The following CAMKK1 variants were observed in gnomAD, a reference collection of about 807,000 sequenced individuals.
CAMKK1 encodes calcium/calmodulin dependent protein kinase kinase 1.
A neutral mutation model predicts 63.5 loss-of-function variants in CAMKK1; 20 were observed. That is an observed-to-expected ratio of 0.32 (90% CI 0.22 to 0.46). The LOEUF (loss-of-function observed/expected upper bound fraction) is 0.46, where lower values mean the gene tolerates loss of function less well. CAMKK1 is among the 20% of genes least tolerant of loss of function. The probability of loss-of-function intolerance (pLI) is 1.00; values close to 1 mark genes in which losing one functional copy is unlikely to be tolerated. For synonymous variants in CAMKK1, 253 were observed against 269.0 expected (o/e 0.94, Z 0.58); for missense variants, 588 against 658.1 (o/e 0.89, Z 1.17).
chr17:3,882,839 G>C lies in CAMKK1; in HGVS notation c.648+203C>G, dbSNP rs1180926505. 6.6e-6 allele frequency among the ~76,000 whole-genome samples: 1 copy of C among 152,148 alleles called. No homozygotes were observed. Among genetic ancestry groups the C allele is most frequent in the African/African-American group, 2.4e-5 (1 of 41,442 alleles). On this transcript the variant is annotated intron_variant, in intron 6 of 15. Transcript: ENST00000348335. The surrounding 1 kb of genome is among the most constrained non-coding windows in gnomAD (Gnocchi z 4.3). ...TGGGGCAGCCCCTCACCCTCCATGG[G>C]AACTTGGGAACATCCCTGACCAGGC... is the stretch of plus-strand genomic sequence containing the variant.
intron 9 of CAMKK1, among the ~76,000 whole-genome samples, chr17:3,876,670 C>T (rs1472083756): frequency 6.6e-6 from 1 of 152,070 alleles, no homozygotes; most frequent in Non-Finnish European, 1.5e-5. Context: ...AGTCCAGCAC[C>T]CTCTCCATGA....
At chr17:3,869,417 C>T in intron 14 of CAMKK1, 70 bp downstream of exon 14, 2 of 1,593,270 alleles carry the variant, frequency 1.3e-6, no homozygotes, top group African/African-American at 1.3e-5. Context: ...CCCAAGGAGC[C>T]AGGCACAGAG....
intron 11 of CAMKK1, among the ~76,000 whole-genome samples, 192 bp from the exon 12 acceptor site, chr17:3,872,819 T>C (rs901708775): frequency 6.6e-6 from 1 of 152,156 alleles, no homozygotes; most frequent in East Asian, 1.9e-4. Flanking sequence ...GAGGGAACAA[T>C]GAGGCTGGGT....
chr17:3,881,738 G>T (rs2055419073), intron 7 of CAMKK1, 90 bp from the exon 8 acceptor site: 2 of 1,225,414 alleles, frequency 1.6e-6, no homozygotes, highest in Non-Finnish European at 2.4e-6. Flanking sequence ...TAGGAGAGGG[G>T]GCAGGCATGC....
intron 15 of CAMKK1, among the ~76,000 whole-genome samples, chr17:3,863,693 T>C (rs1304270551): frequency 6.6e-6 from 1 of 151,546 alleles, no homozygotes; most frequent in Non-Finnish European, 1.5e-5. Flanking sequence ...CTGGGCAACA[T>C]GGCAAGACTC....
At chr17:3,871,821 T>C (rs2054901029) in intron 12 of CAMKK1, among the ~76,000 whole-genome samples, 2 of 151,918 alleles carry the variant, frequency 1.3e-5, no homozygotes, top group South Asian at 2.1e-4. Context: ...AATTTTTGTA[T>C]TTTTAGTAGA....
intron 14 of CAMKK1, 95 bp from the exon 15 acceptor site, chr17:3,866,106 C>A: frequency 6.8e-7 from 1 of 1,461,566 alleles, no homozygotes; most frequent in Non-Finnish European, 9.3e-7. Context: ...CCAAGGGGGC[C>A]GCAGTGCGGG....
In CAMKK1 at chr17:3,860,514, ATCAAAGTGGTCCCCCCAGACCAGATGC is replaced by A. The variant is rs2143761265; in HGVS notation, c.*1670_*1696del. 1 of 152,702 alleles carries A rather than the reference ATCAAAGTGGTCCCCCCAGACCAGATGC, an allele frequency of 6.5e-6. No homozygotes were observed. Among genetic ancestry groups the A allele is most frequent in the Admixed American group, 6.5e-5 (1 of 15,300 alleles). The allele number at this position is 152,702 out of a possible 1,614,324, so 9.5% of individuals were successfully genotyped here. ...CCTGAGCTTTCCAAGGGTGGGTCCG[ATCAAAGTGGTCCCCCCAGACCAGATGC>A]TCAAGAAACACTTGGGGATCAGTGA... On this transcript the variant is annotated 3_prime_UTR_variant, in exon 16 of 16. Transcript: ENST00000348335.
chr17:3,884,345 G>A lies in CAMKK1; in HGVS notation c.408+35C>T, dbSNP rs370765184. On this transcript the variant is annotated intron_variant, in intron 3 of 15. Coordinates refer to ENST00000348335, the MANE Select transcript of CAMKK1 (RefSeq NM_032294.3). This position sits in a 1 kb window ranked among gnomAD's most constrained non-coding sequence, Gnocchi z 4.5. The stretch of plus-strand genomic sequence containing the variant: ...GGAGCAGCGCCAAACAGAGAATCCC[G>A]AAGCCCCCACTGCTCTCGGCCTGCC... 6.2e-6 allele frequency: 10 copies of A among 1,609,322 alleles called. No individual in the cohort carries two copies. Among genetic ancestry groups the A allele is most frequent in the African/African-American group, 1.3e-5 (1 of 74,772 alleles).
In CAMKK1 at chr17:3,872,570, C is replaced by T. The variant is rs371888456; in HGVS notation, c.1108G>A (p.Val370Met). Residue 370 changes from valine (V) to methionine (M), a missense_variant, in exon 12 of 16, where the codon GTG (valine) becomes ATG (methionine). This residue lies in a region of CAMKK1 where 226 missense variants were observed against 229.2 expected (regional missense o/e 0.99). Transcript: ENST00000348335. ...ACAACTCACTCCTCAGGAAACACCA[C>T]GGGCTCATTCTTGATCTTCCTGTGG... is the stretch of plus-strand genomic sequence containing the variant. ...ALHRKIKNEP[V>M]VFPEEPEISE... 25 of 1,613,806 alleles carry T rather than the reference C, an allele frequency of 1.5e-5. No individual in the cohort carries two copies. The Admixed American group carries it at 2.2e-4, about 14-fold the overall frequency.
At chr17:3,867,340 A>T (rs1472253559) in intron 14 of CAMKK1, among the ~76,000 whole-genome samples, 1 of 152,162 alleles carries the variant, frequency 6.6e-6, no homozygotes, top group Admixed American at 6.5e-5. Flanking sequence ...CGAGTGCATG[A>T]TGGCGGGACG....
chr17:3,862,344 A>G lies in CAMKK1; in HGVS notation c.1446-61T>C. The G allele has an allele frequency of 8.1e-7, 1 of 1,233,238 alleles. No homozygotes were observed. Among genetic ancestry groups the G allele is most frequent in the Non-Finnish European group, 1.2e-6 (1 of 858,032 alleles). 76.4% of individuals were successfully genotyped at this position (1,233,238 alleles called of 1,614,324 possible). On this transcript the variant is annotated intron_variant, in intron 15 of 15. Coordinates refer to ENST00000348335, the MANE Select transcript of CAMKK1 (RefSeq NM_032294.3). The surrounding 1 kb of genome is among the most constrained non-coding windows in gnomAD (Gnocchi z 4.1). Reference sequence around the variant, plus strand: ...GGTCAGAATATGCACTCAGGGAGACACTCTCCCTCACACACACAGGAATCT... The same window carrying G: ...GGTCAGAATATGCACTCAGGGAGACGCTCTCCCTCACACACACAGGAATCT...
At chr17:3,868,665 T>C (rs2054683682) in intron 14 of CAMKK1, among the ~76,000 whole-genome samples, 1 of 152,106 alleles carries the variant, frequency 6.6e-6, no homozygotes. Flanking sequence ...CTTTCTTTTT[T>C]TTTTTGAGAT....
rs980853245 is a variant in CAMKK1, at chr17:3,892,405, C to T, written c.-44+534G>A. Among the ~76,000 whole-genome samples the T allele has an allele frequency of 3.3e-5, 5 of 152,108 alleles. No homozygotes were observed. Among genetic ancestry groups the T allele is most frequent in the African/African-American group, 1.2e-4 (5 of 41,410 alleles). On this transcript the variant is annotated intron_variant, in intron 1 of 15. Coordinates refer to ENST00000348335, the MANE Select transcript of CAMKK1 (RefSeq NM_032294.3). The surrounding 1 kb of genome is among the most constrained non-coding windows in gnomAD (Gnocchi z 7.5). ...CACCAGCCCTGCGCCTCCCGGGCCC[C>T]GAAGCCGCAGCGCCCGCCTCTGCCG...
chr17:3,892,374 C>T lies in CAMKK1; in HGVS notation c.-44+565G>A, dbSNP rs2055933717. 6.6e-6 allele frequency among the ~76,000 whole-genome samples: 1 copy of T among 152,210 alleles called. No homozygotes were observed. Among genetic ancestry groups the T allele is most frequent in the South Asian group, 2.1e-4 (1 of 4,832 alleles). ...AGGTCCCTGCGCACGTGGACACCCC[C>T]CCAGCCACCAGCCCTGCGCCTCCCG... On this transcript the variant is annotated intron_variant, in intron 1 of 15. Transcript: ENST00000348335. The surrounding 1 kb of genome is among the most constrained non-coding windows in gnomAD (Gnocchi z 7.5).
At position 3,883,782 on chromosome 17, in the gene CAMKK1, C is replaced by T. The variant is rs1310824161; in HGVS notation, c.462+102G>A. The T allele has an allele frequency of 2.5e-6, 3 of 1,178,164 alleles. No homozygotes were observed. The highest frequency in any genetic ancestry group is 1.5e-5 in the African/African-American group (1 of 66,778). The allele number at this position is 1,178,164 out of a possible 1,614,324, so 73.0% of individuals were successfully genotyped here. ...CCCCTAGGGACAGGGAGCTCACTCT[C>T]AGGCAGCCCTGTCCTCTATCTCCTA... On this transcript the variant is annotated intron_variant, in intron 4 of 15. Transcript: ENST00000348335. This position sits in a 1 kb window ranked among gnomAD's most constrained non-coding sequence, Gnocchi z 4.7.
rs1279907080 is a variant in CAMKK1, at chr17:3,884,674, A to G, written c.361-247T>C. On this transcript the variant is annotated intron_variant, in intron 2 of 15. Transcript: ENST00000348335. The surrounding 1 kb of genome is among the most constrained non-coding windows in gnomAD (Gnocchi z 4.5). ...TGGCTGTGCCTTGTTCCCCAGAAGC[A>G]GTGGTGAAGGGAAAACGCTAATTCC... is the stretch of plus-strand genomic sequence containing the variant. Among the ~76,000 whole-genome samples the G allele has an allele frequency of 1.3e-5, 2 of 152,228 alleles. No homozygotes were observed. Among genetic ancestry groups the G allele is most frequent in the East Asian group, 3.8e-4 (2 of 5,198 alleles).
chr17:3,864,546 G>A (rs551936178), intron 15 of CAMKK1, among the ~76,000 whole-genome samples: 1 of 152,202 alleles, frequency 6.6e-6, no homozygotes, highest in African/African-American at 2.4e-5. Flanking sequence ...GCACCCGGCC[G>A]TGCTGGCATA....
chr17:3,880,316 G>A, intron 9 of CAMKK1, 30 bp downstream of exon 9: 1 of 1,594,548 alleles, frequency 6.3e-7, no homozygotes, highest in Non-Finnish European at 8.6e-7. Flanking sequence ...CCTAGCCCCA[G>A]CCCCAGTGGG....
Sources: gnomAD v4.1 joint callset for allele counts (sites outside exome capture counted in the v4.1 genomes callset) on GRCh38, gnomAD v4.1.1 for gene constraint, gnomAD v4.1.1 regional missense constraint, Gnocchi (gnomAD v3.1) non-coding constraint, MANE v1.5 for transcripts, NCBI Gene and HGNC (gene_info 2026-07-23, HGNC 2026-07-21) for gene names.